The following IPCEF1 variants were observed in gnomAD, a reference collection of about 807,000 sequenced individuals.
The protein encoded by IPCEF1 is interactor protein for cytohesin exchange factors 1.
IPCEF1 carries 31 observed loss-of-function variants against 50.9 expected under a neutral mutation model. The ratio of observed to expected loss-of-function variants is 0.61; its 90% CI spans 0.46 to 0.82. The LOEUF is 0.82. IPCEF1 is among the 40% of genes least tolerant of loss of function. The probability of loss-of-function intolerance (pLI) is 0.00; values close to 1 mark genes in which losing one functional copy is unlikely to be tolerated. For missense variants in IPCEF1, 458 were observed against 514.0 expected (o/e 0.89, Z 1.05); for synonymous variants, 181 against 192.0 (o/e 0.94, Z 0.47).
In IPCEF1 at chr6:154,329,283, T is replaced by G. The variant is rs933997034; in HGVS notation, c.-62+27389A>C. On this transcript the variant is annotated intron_variant, in intron 1 of 11. Coordinates refer to ENST00000367220, the MANE Select transcript of IPCEF1 (RefSeq NM_001130700.2). ...TTTTAATCAGCTGAGAGTAATATTTTTAGGTAACTATTCACAAGAACAGCT... is the reference window on the plus strand; with the variant it reads ...TTTTAATCAGCTGAGAGTAATATTTGTAGGTAACTATTCACAAGAACAGCT... 4.6e-5 allele frequency among the ~76,000 whole-genome samples: 7 copies of G among 151,980 alleles called. No individual in the cohort carries two copies. The East Asian group carries it at 1.2e-3, about 25-fold the overall frequency.
At chr6:154,222,957 T>G in intron 6 of IPCEF1, 3 of 577,086 alleles carry the variant, frequency 5.2e-6, no homozygotes, top group Non-Finnish European at 9.3e-6. Flanking sequence ...TTCGTGGGGG[T>G]TTTAAAATCC....
At position 154,190,460 on chromosome 6, in the gene IPCEF1, G is replaced by A. The variant is rs541864276; in HGVS notation, c.910+9208C>T. Among the ~76,000 whole-genome samples, 31 of 152,264 alleles carry A rather than the reference G, an allele frequency of 2.0e-4. 2 individuals carry two copies. The South Asian group carries it at 6.2e-3, about 31-fold the overall frequency. ...GAATTCTAAATTAAAACAATAAAAT[G>A]TTACTACCCACCTACTAGCATGGCG... On this transcript the variant is annotated intron_variant, in intron 10 of 11. Transcript: ENST00000367220.
At chr6:154,264,979 T>C (rs769264553) in intron 3 of IPCEF1, among the ~76,000 whole-genome samples, 3 of 152,180 alleles carry the variant, frequency 2.0e-5, no homozygotes, top group South Asian at 2.1e-4. Flanking sequence ...GTCTATACTT[T>C]AGCCTCCCAA....
intron 2 of IPCEF1, among the ~76,000 whole-genome samples, chr6:154,282,507 C>T (rs998427350): frequency 6.6e-6 from 1 of 151,966 alleles, no homozygotes; most frequent in Non-Finnish European, 1.5e-5. Context: ...ACGGTGAAAC[C>T]CTATCTCTAC....
chr6:154,326,399 A>G (rs1423963970), intron 1 of IPCEF1, among the ~76,000 whole-genome samples: 2 of 152,170 alleles, frequency 1.3e-5, no homozygotes, highest in Non-Finnish European at 2.9e-5. Flanking sequence ...ATGTGCAAAA[A>G]TCACTAGCAT....
chr6:154,323,043 C>G (rs1292702739), intron 1 of IPCEF1, among the ~76,000 whole-genome samples: 3 of 152,056 alleles, frequency 2.0e-5, no homozygotes, highest in African/African-American at 7.2e-5. Context: ...TTCGATGTGA[C>G]AAGTGCTTTT....
intron 1 of IPCEF1, among the ~76,000 whole-genome samples, chr6:154,297,438 G>A (rs1408883198): frequency 1.3e-5 from 2 of 152,150 alleles, no homozygotes; most frequent in Non-Finnish European, 2.9e-5. Flanking sequence ...CCAGGTTGAC[G>A]TGCAGGTCTG....
intron 9 of IPCEF1, among the ~76,000 whole-genome samples, chr6:154,204,322 C>A (rs1379682409): frequency 6.6e-6 from 1 of 152,058 alleles, no homozygotes. Flanking sequence ...AGAAGTGAGT[C>A]AGCATAGAAA....
chr6:154,194,469 A>G (rs1241608497), intron 10 of IPCEF1, among the ~76,000 whole-genome samples: 1 of 152,090 alleles, frequency 6.6e-6, no homozygotes, highest in Admixed American at 6.5e-5. Flanking sequence ...CCTTATTCAC[A>G]TTCTGTCTCT....
chr6:154,209,843 A>T (rs956959953), intron 9 of IPCEF1, among the ~76,000 whole-genome samples: 1 of 152,144 alleles, frequency 6.6e-6, no homozygotes, highest in African/African-American at 2.4e-5. Flanking sequence ...CTAACTGTTC[A>T]ACGTTTATCT....
At chr6:154,212,956 T>C (rs1778088546) in intron 8 of IPCEF1, 101 bp from the exon 9 acceptor site, 1 of 808,828 alleles carries the variant, frequency 1.2e-6, no homozygotes, top group Non-Finnish European at 2.1e-6. Context: ...GCAATTTCAA[T>C]CCAATTCAGA....
At chr6:154,349,362 T>A (rs1405687486) in intron 1 of IPCEF1, among the ~76,000 whole-genome samples, 19 of 35,028 alleles carry the variant, frequency 5.4e-4, no homozygotes, top group African/African-American at 2.6e-3. Context: ...TAACTAATTT[T>A]ATTTTATTTT....
At position 154,168,207 on chromosome 6, in the gene IPCEF1, C is replaced by A; in HGVS notation, c.911-94G>T. 1 of 855,352 alleles carries A rather than the reference C, an allele frequency of 1.2e-6. No homozygotes were observed. The highest frequency in any genetic ancestry group is 1.8e-6 in the Non-Finnish European group (1 of 568,482). 53.0% of individuals were successfully genotyped at this position (855,352 alleles called of 1,614,324 possible). A position where few individuals can be genotyped will look rare whatever the true frequency, so the allele number is the denominator to read the frequency against. On this transcript the variant is annotated intron_variant, in intron 10 of 11. Transcript: ENST00000367220. The surrounding 1 kb of genome is among the most constrained non-coding windows in gnomAD (Gnocchi z 4.1). ...ACTGTGGTCCCAAGGCACGGCCCCACTGGCACCCTCATCTCAGACTTCTCT... is the reference window on the plus strand; with the variant it reads ...ACTGTGGTCCCAAGGCACGGCCCCAATGGCACCCTCATCTCAGACTTCTCT...
At chr6:154,269,938 G>A (rs1781860914) in intron 2 of IPCEF1, among the ~76,000 whole-genome samples, 1 of 152,158 alleles carries the variant, frequency 6.6e-6, no homozygotes, top group Non-Finnish European at 1.5e-5. Context: ...AGGTTTTGAT[G>A]AAAATATATA....
intron 1 of IPCEF1, among the ~76,000 whole-genome samples, chr6:154,336,427 A>G (rs1783788517): frequency 6.6e-6 from 1 of 152,232 alleles, no homozygotes; most frequent in Non-Finnish European, 1.5e-5. Flanking sequence ...ACAGAAAGAC[A>G]AATATCACAT....
At chr6:154,276,149 A>C (rs1279887233) in intron 2 of IPCEF1, among the ~76,000 whole-genome samples, 2 of 151,990 alleles carry the variant, frequency 1.3e-5, no homozygotes, top group East Asian at 1.9e-4. Flanking sequence ...GTGCCACTGC[A>C]CTCCAGCCTG....
intron 1 of IPCEF1, among the ~76,000 whole-genome samples, chr6:154,312,036 C>A (rs1249997156): frequency 2.0e-5 from 3 of 152,172 alleles, no homozygotes; most frequent in African/African-American, 7.2e-5. Flanking sequence ...GCACTATTCA[C>A]AATAGCCAAG....
Position 154,199,752 on chromosome 6 carries a change from T to A in IPCEF1, c.826A>T (p.Ser276Cys), listed in dbSNP as rs1376993133. ...SESGFLNSLS[S>C]DDTSSLSSNH... Reference sequence around the variant, plus strand: ...CTACTCAATGAAGAAGTATCATCACTAGATAAAGAGTTCAAAAATCCACTT... The same window carrying A: ...CTACTCAATGAAGAAGTATCATCACAAGATAAAGAGTTCAAAAATCCACTT... Residue 276 changes from serine to cysteine, a missense_variant, in exon 10 of 12, where the codon AGT becomes TGT. Transcript: ENST00000367220. 9.3e-6 allele frequency: 15 copies of A among 1,614,126 alleles called. No homozygotes were observed. In the Admixed American group the frequency reaches 2.5e-4, roughly 27 times the overall value.
At chr6:154,251,849 A>G (rs1026364031) in intron 3 of IPCEF1, among the ~76,000 whole-genome samples, 5 of 152,118 alleles carry the variant, frequency 3.3e-5, no homozygotes, top group African/African-American at 1.2e-4. Context: ...AGGGTGCAAG[A>G]GAAGACGGAA....
Sources: allele counts gnomAD v4.1 joint callset (sites outside exome capture counted in the v4.1 genomes callset), GRCh38; gene constraint gnomAD v4.1.1; non-coding constraint Gnocchi (gnomAD v3.1); transcripts MANE v1.5; gene names NCBI Gene and HGNC (gene_info 2026-07-23, HGNC 2026-07-21).